Variants in PACRG observed in about 807,000 individuals in gnomAD.
PACRG encodes parkin coregulated gene protein.
A neutral mutation model predicts 29.7 loss-of-function variants in PACRG; 29 were observed. That is an observed-to-expected ratio of 0.98 (90% CI 0.73 to 1.33). PACRG has a LOEUF of 1.33. PACRG is among the 40% of genes most tolerant of loss of function. The probability of loss-of-function intolerance (pLI) is 0.00; values close to 1 mark genes in which losing one functional copy is unlikely to be tolerated. For synonymous variants in PACRG, 116 were observed against 118.7 expected (o/e 0.98, Z 0.15); for missense variants, 279 against 316.2 (o/e 0.88, Z 0.89).
At chr6:162,883,437 AAATGT>A (rs1794068351) in intron 2 of PACRG, among the ~76,000 whole-genome samples, 1 of 152,222 alleles carries the variant, frequency 6.6e-6, no homozygotes, top group African/African-American at 2.4e-5. Flanking sequence ...AATGTCCAAT[AAATGT>A]AAGTTCCCCT....
chr6:162,846,075 G>A (rs971788658), intron 2 of PACRG, among the ~76,000 whole-genome samples: 4 of 152,156 alleles, frequency 2.6e-5, no homozygotes, highest in African/African-American at 4.8e-5. Flanking sequence ...CAGCGAAGGG[G>A]AGGGAAGGAA....
At chr6:163,136,839 A>G (rs1403686963) in intron 4 of PACRG, among the ~76,000 whole-genome samples, 1 of 152,242 alleles carries the variant, frequency 6.6e-6, no homozygotes, top group Non-Finnish European at 1.5e-5. Context: ...TGCGATGAAT[A>G]AAAATATCTT....
chr6:163,140,350 T>C (rs1173917067), intron 4 of PACRG, among the ~76,000 whole-genome samples: 4 of 152,086 alleles, frequency 2.6e-5, no homozygotes, highest in Non-Finnish European at 5.9e-5. Flanking sequence ...GAGCCTGGCC[T>C]CCATGGGGTA....
chr6:163,161,290 T>C (rs1053851471), intron 4 of PACRG, among the ~76,000 whole-genome samples: 4 of 152,022 alleles, frequency 2.6e-5, no homozygotes, highest in Non-Finnish European at 5.9e-5. Context: ...CACCGAGATG[T>C]GCCTGCCATA....
intron 3 of PACRG, among the ~76,000 whole-genome samples, chr6:163,068,495 T>TTTTA: frequency 6.6e-6 from 1 of 150,876 alleles, no homozygotes; most frequent in African/African-American, 2.4e-5. Flanking sequence ...TTTTTTTTTT[T>TTTTA]ATCAATTTTC....
chr6:162,841,054 C>A (rs1400496273), intron 2 of PACRG, among the ~76,000 whole-genome samples: 6 of 123,850 alleles, frequency 4.8e-5, no homozygotes, highest in Non-Finnish European at 3.3e-5. Context: ...GTCTAAAATT[C>A]TCTTTTTTGG....
intron 2 of PACRG, among the ~76,000 whole-genome samples, chr6:162,899,029 AC>A (rs1408549899): frequency 7.2e-5 from 11 of 152,226 alleles, no homozygotes; most frequent in African/African-American, 2.7e-4. Flanking sequence ...AAATATAAAT[AC>A]CTGTTTAATT....
At chr6:163,295,052 T>C (rs957062427) in intron 4 of PACRG, among the ~76,000 whole-genome samples, 11 of 152,202 alleles carry the variant, frequency 7.2e-5, no homozygotes, top group African/African-American at 2.7e-4. Flanking sequence ...TCAAATTAAA[T>C]AAGCTAAATG....
intron 1 of PACRG, among the ~76,000 whole-genome samples, chr6:162,787,581 TG>T (rs1173737162): frequency 2.2e-5 from 1 of 46,256 alleles, no homozygotes; most frequent in African/African-American, 1.3e-4. Flanking sequence ...TGTGTGTGTG[TG>T]TATATATATA....
chr6:163,059,004 G>A (rs928296495), intron 2 of PACRG, among the ~76,000 whole-genome samples: 26 of 151,934 alleles, frequency 1.7e-4, no homozygotes, highest in African/African-American at 5.1e-4. Context: ...GCTTGAACCC[G>A]GGAGGCAGAG....
At chr6:162,885,338 T>C (rs1301600660) in intron 2 of PACRG, among the ~76,000 whole-genome samples, 1 of 151,748 alleles carries the variant, frequency 6.6e-6, no homozygotes, top group Non-Finnish European at 1.5e-5. Flanking sequence ...GGCACGACCT[T>C]AGCTCACTGC....
At chr6:162,932,203 A>G (rs1336996375) in intron 2 of PACRG, among the ~76,000 whole-genome samples, 1 of 152,046 alleles carries the variant, frequency 6.6e-6, no homozygotes, top group East Asian at 1.9e-4. Context: ...AAAACTCTAG[A>G]AAATATACGT....
intron 1 of PACRG, among the ~76,000 whole-genome samples, chr6:162,748,418 C>A (rs954414642): frequency 2.6e-5 from 4 of 152,062 alleles, no homozygotes; most frequent in African/African-American, 4.8e-5. Flanking sequence ...GCTTGAACCC[C>A]AGGAGGCGGA....
At chr6:162,786,089 C>T (rs536758346) in intron 1 of PACRG, among the ~76,000 whole-genome samples, 27 of 152,304 alleles carry the variant, frequency 1.8e-4, no homozygotes, top group African/African-American at 6.3e-4. Flanking sequence ...TGTCCTGTTC[C>T]ACCATAGTGT....
At chr6:162,929,226 T>C (rs962778716) in intron 2 of PACRG, among the ~76,000 whole-genome samples, 1 of 151,918 alleles carries the variant, frequency 6.6e-6, no homozygotes, top group African/African-American at 2.4e-5. Context: ...TAATTTACAT[T>C]CCCCCCAACA....
chr6:163,259,436 C>T (rs1446751057), intron 4 of PACRG, among the ~76,000 whole-genome samples: 1 of 152,194 alleles, frequency 6.6e-6, no homozygotes, highest in Non-Finnish European at 1.5e-5. Context: ...GTCCCTCTCA[C>T]TTGTGTCACC....
intron 2 of PACRG, among the ~76,000 whole-genome samples, chr6:162,854,528 CATT>C (rs772805439): frequency 6.6e-6 from 1 of 152,144 alleles, no homozygotes; most frequent in African/African-American, 2.4e-5. Flanking sequence ...ACAGATCCTA[CATT>C]ATTATTATTA....
In PACRG at chr6:163,010,941, C is replaced by A. The variant is rs147319403; in HGVS notation, c.292-51209C>A. ...AGGGTTGCTGAGCCGGGTCCGGGCTCCCTTAGGAGGATCTGCTGCAGTGAG... is the reference window on the plus strand; with the variant it reads ...AGGGTTGCTGAGCCGGGTCCGGGCTACCTTAGGAGGATCTGCTGCAGTGAG... On this transcript the variant is annotated intron_variant, in intron 2 of 4. Coordinates refer to ENST00000366888, the MANE Select transcript of PACRG (RefSeq NM_001080379.2). Among the ~76,000 whole-genome samples the A allele has an allele frequency of 1.3e-3, 195 of 152,318 alleles. 1 individual carries two copies. Among genetic ancestry groups the A allele is most frequent in the African/African-American group, 4.4e-3 (181 of 41,574 alleles).
intron 2 of PACRG, among the ~76,000 whole-genome samples, chr6:163,003,329 G>T (rs1392129047): frequency 2.0e-5 from 3 of 152,082 alleles, no homozygotes; most frequent in Non-Finnish European, 4.4e-5. Context: ...ATACCATAAA[G>T]CTTGCTTCAA....
Sources: gnomAD v4.1 joint callset for allele counts (sites outside exome capture counted in the v4.1 genomes callset) on GRCh38, gnomAD v4.1.1 for gene constraint, MANE v1.5 for transcripts, NCBI Gene and HGNC (gene_info 2026-07-23, HGNC 2026-07-21) for gene names.